CACNA2D3: variants seen among roughly 807,000 people sequenced by gnomAD.
The protein encoded by CACNA2D3 is voltage-dependent calcium channel subunit alpha-2/delta-3.
CACNA2D3 carries 60 observed loss-of-function variants against 160.6 expected under a neutral mutation model. The observed-to-expected ratio is 0.37, with a 90% CI of 0.30 to 0.46. The LOEUF is 0.46. Among genes scored for constraint, CACNA2D3 ranks in the 20% least tolerant of loss-of-function variants. The pLI is 1.00. For synonymous variants in CACNA2D3, 558 were observed against 492.9 expected, an observed-to-expected ratio of 1.13 and a Z score of -1.75; for missense variants, 1,205 against 1,365.0, an observed-to-expected ratio of 0.88 and a Z score of 1.85.
intron 17 of CACNA2D3, among the ~76,000 whole-genome samples, chr3:54,853,170 G>T (rs919052518): frequency 6.6e-6 from 1 of 151,996 alleles, no homozygotes; most frequent in Non-Finnish European, 1.5e-5. Context: ...CGCCCACCCA[G>T]AGAAGCCATA....
intron 2 of CACNA2D3, among the ~76,000 whole-genome samples, chr3:54,157,626 C>T (rs1412800816): frequency 6.6e-6 from 1 of 151,946 alleles, no homozygotes; most frequent in Non-Finnish European, 1.5e-5. Flanking sequence ...CCTGTCTCTA[C>T]TAAAAAAATA....
chr3:54,506,161 C>T (rs763038817), intron 5 of CACNA2D3, among the ~76,000 whole-genome samples: 2 of 152,084 alleles, frequency 1.3e-5, no homozygotes, highest in Non-Finnish European at 1.5e-5. Context: ...CAAAACAGCC[C>T]CTAACAGCCT....
chr3:54,737,637 C>T (rs985216665), intron 11 of CACNA2D3, among the ~76,000 whole-genome samples: 13 of 152,036 alleles, frequency 8.6e-5, no homozygotes, highest in Admixed American at 7.2e-4. Flanking sequence ...AAGGGAAGGC[C>T]TCTATAGAGC....
chr3:54,174,442 T>G (rs1700626574), intron 2 of CACNA2D3, among the ~76,000 whole-genome samples: 1 of 152,214 alleles, frequency 6.6e-6, no homozygotes, highest in Non-Finnish European at 1.5e-5. Context: ...TTTAAGTGGG[T>G]TGGGATCTTC....
chr3:54,560,390 A>AG (rs1702305838), intron 5 of CACNA2D3, among the ~76,000 whole-genome samples: 1 of 152,194 alleles, frequency 6.6e-6, no homozygotes, highest in African/African-American at 2.4e-5. Flanking sequence ...CCTTCTTTTG[A>AG]GAAGTGTCTG....
chr3:54,382,484 A>C (rs190930759), intron 3 of CACNA2D3, among the ~76,000 whole-genome samples: 100 of 152,324 alleles, frequency 6.6e-4, no homozygotes, highest in Non-Finnish European at 1.2e-3. Context: ...TTTTAATTTT[A>C]TTAACTGGAG....
chr3:54,471,030 G>A (rs970483156), intron 4 of CACNA2D3, among the ~76,000 whole-genome samples: 1 of 152,236 alleles, frequency 6.6e-6, no homozygotes, highest in Non-Finnish European at 1.5e-5. Flanking sequence ...GGATATTCAG[G>A]ACTTGAACTC....
intron 17 of CACNA2D3, among the ~76,000 whole-genome samples, chr3:54,868,639 G>A (rs532119998): frequency 3.9e-5 from 6 of 152,044 alleles, no homozygotes; most frequent in East Asian, 3.9e-4. Context: ...ATGAATTTTC[G>A]GCCAGGAGAG....
chr3:55,055,671 A>G (rs535996635), intron 35 of CACNA2D3, among the ~76,000 whole-genome samples: 7 of 152,238 alleles, frequency 4.6e-5, no homozygotes, highest in South Asian at 4.1e-4. Flanking sequence ...GATTTTTCCA[A>G]TCTACAAAAA....
At chr3:54,517,839 C>A (rs1224697219) in intron 5 of CACNA2D3, among the ~76,000 whole-genome samples, 1 of 152,080 alleles carries the variant, frequency 6.6e-6, no homozygotes, top group Non-Finnish European at 1.5e-5. Context: ...TGGAAGCTGG[C>A]TGACAAGGCT....
chr3:54,232,177 C>G (rs1701782292), intron 2 of CACNA2D3, among the ~76,000 whole-genome samples: 1 of 152,216 alleles, frequency 6.6e-6, no homozygotes, highest in Non-Finnish European at 1.5e-5. Context: ...CAGAGTCAAA[C>G]AGATCGAGCA....
chr3:54,356,427 C>T (rs187443802), intron 3 of CACNA2D3, among the ~76,000 whole-genome samples: 1 of 152,308 alleles, frequency 6.6e-6, no homozygotes, highest in African/African-American at 2.4e-5. Context: ...TGCAAAGACA[C>T]TGCTGACTCA....
chr3:54,338,467 C>CTCTGTGTGTGTG (rs996617901), intron 3 of CACNA2D3, among the ~76,000 whole-genome samples: 44 of 136,530 alleles, frequency 3.2e-4, no homozygotes, highest in African/African-American at 1.2e-3. Flanking sequence ...TCTCCCCTCC[C>CTCTGTGTGTGTG]TGTGTGTGTG....
chr3:54,950,773 C>T (rs998943046), intron 27 of CACNA2D3, among the ~76,000 whole-genome samples: 2 of 152,212 alleles, frequency 1.3e-5, no homozygotes, highest in East Asian at 3.9e-4. Flanking sequence ...TATCTTGCAC[C>T]TTGATCGGGG....
chr3:54,290,063 C>A (rs1399934609), intron 2 of CACNA2D3, among the ~76,000 whole-genome samples: 2 of 151,436 alleles, frequency 1.3e-5, no homozygotes, highest in African/African-American at 2.4e-5. Flanking sequence ...CAAATGGGAT[C>A]TAATTAAACT....
At chr3:54,131,030 A>C (rs1467484336) in intron 2 of CACNA2D3, among the ~76,000 whole-genome samples, 1 of 152,242 alleles carries the variant, frequency 6.6e-6, no homozygotes, top group Non-Finnish European at 1.5e-5. Context: ...AAATATGCAA[A>C]GCACTTAGCA....
intron 3 of CACNA2D3, among the ~76,000 whole-genome samples, chr3:54,337,213 C>A (rs1259327159): frequency 6.6e-6 from 1 of 152,164 alleles, no homozygotes; most frequent in Non-Finnish European, 1.5e-5. Flanking sequence ...TTACAGTGAA[C>A]TTTTCTTAAC....
intron 2 of CACNA2D3, among the ~76,000 whole-genome samples, chr3:54,161,633 G>A (rs1355938464): frequency 6.6e-6 from 1 of 152,212 alleles, no homozygotes; most frequent in Non-Finnish European, 1.5e-5. Context: ...AAACTTGTGT[G>A]CCCTTCCCAG....
intron 2 of CACNA2D3, among the ~76,000 whole-genome samples, chr3:54,282,911 A>G (rs1036614191): frequency 6.6e-6 from 1 of 152,058 alleles, no homozygotes; most frequent in African/African-American, 2.4e-5. Context: ...CTATCATAGT[A>G]GTTAGCATTG....
Sources: allele counts gnomAD v4.1 joint callset (sites outside exome capture counted in the v4.1 genomes callset), GRCh38; gene constraint gnomAD v4.1.1; transcripts MANE v1.5; gene names NCBI Gene and HGNC (gene_info 2026-07-23, HGNC 2026-07-21).